The following ZFR2 variants were observed in gnomAD, a reference collection of about 807,000 sequenced individuals.
ZFR2 encodes the protein zinc finger RNA binding protein 2.
ZFR2 carries 104 observed loss-of-function variants against 105.7 expected under a neutral mutation model. The ratio of observed to expected loss-of-function variants is 0.98; its 90% CI spans 0.84 to 1.16. The LOEUF (loss-of-function observed/expected upper bound fraction) is 1.16. ZFR2 is among the 50% of genes most tolerant of loss of function. The probability of loss-of-function intolerance (pLI) is 0.00; values close to 1 mark genes in which losing one functional copy is unlikely to be tolerated. For synonymous variants in ZFR2, 634 were observed against 597.7 expected, an observed-to-expected ratio of 1.06 and a Z score of -0.89; for missense variants, 1,425 against 1,355.5, an observed-to-expected ratio of 1.05 and a Z score of -0.80.
chr19:3,807,401 C>CT, intron 17 of ZFR2, 132 bp from the exon 18 acceptor site: 1 of 652,156 alleles, frequency 1.5e-6, no homozygotes, highest in East Asian at 2.8e-5. Context: ...CGTGGCACCT[C>CT]TGACCCTCAG....
At chr19:3,843,769 A>G (rs1386575113) in intron 1 of ZFR2, among the ~76,000 whole-genome samples, 1 of 151,008 alleles carries the variant, frequency 6.6e-6, no homozygotes, top group Admixed American at 6.6e-5. Context: ...TGGGAGGCGG[A>G]GCTTGCAGTG....
rs371061906 is a variant in ZFR2, at chr19:3,819,148, C to G, written c.1828G>C (p.Val610Leu). ...TCTGCGTGGGACACGGCCCTCTGCACGGCCAGGAGCTCCTGCTCCGTGGGG... is the reference window on the plus strand; with the variant it reads ...TCTGCGTGGGACACGGCCCTCTGCAGGGCCAGGAGCTCCTGCTCCGTGGGG... ...IYPTEQELLA[V>L]QRAVSHAERA... Residue 610 changes from valine to leucine, a missense_variant, in exon 12 of 19, where the codon GTG (valine) becomes CTG (leucine). By Grantham distance (32) the Val-to-Leu change is conservative. Transcript: ENST00000262961. The G allele has an allele frequency of 4.4e-6, 7 of 1,607,434 alleles. No individual in the cohort carries two copies. Among genetic ancestry groups the G allele is most frequent in the South Asian group, 1.1e-5 (1 of 90,820 alleles).
At chr19:3,831,632 C>A (rs1458998357) in intron 4 of ZFR2, 28 bp downstream of exon 4, 1 of 1,522,126 alleles carries the variant, frequency 6.6e-7, no homozygotes, top group African/African-American at 1.4e-5. Context: ...GACGGGCAGA[C>A]CACCTGGGCA....
intron 4 of ZFR2, 21 bp from the exon 5 acceptor site, chr19:3,831,577 T>C: frequency 6.4e-7 from 1 of 1,551,900 alleles, no homozygotes; most frequent in Non-Finnish European, 8.7e-7. Flanking sequence ...GAGAAAACAA[T>C]GAGTCGGGGG....
At chr19:3,807,301 G>A in intron 17 of ZFR2, 32 bp from the exon 18 acceptor site, 2 of 1,495,366 alleles carry the variant, frequency 1.3e-6, no homozygotes, top group Non-Finnish European at 9.1e-7. Context: ...CAGCAAAGAA[G>A]GCGAGAATGC....
At chr19:3,822,710 T>A (rs1385002945) in intron 8 of ZFR2, among the ~76,000 whole-genome samples, 7 of 152,092 alleles carry the variant, frequency 4.6e-5, no homozygotes, top group Admixed American at 4.6e-4. Context: ...AGCAAGACCC[T>A]TTCTCTTAAA....
chr19:3,830,263 G>A (rs2037997177), intron 5 of ZFR2, among the ~76,000 whole-genome samples: 1 of 152,052 alleles, frequency 6.6e-6, no homozygotes, highest in African/African-American at 2.4e-5. Flanking sequence ...GACATAGTGA[G>A]ACCCCATCTC....
In ZFR2 at chr19:3,819,164, C is replaced by A. The variant is rs775562032; in HGVS notation, c.1812G>T (p.Glu604Asp). Residue 604 changes from glutamate to aspartate, a missense_variant, in exon 12 of 19, where the codon GAG becomes GAT. Physicochemically the swap from Glu to Asp is conservative, Grantham distance 45 (BLOSUM62 2). Coordinates refer to ENST00000262961, the MANE Select transcript of ZFR2 (RefSeq NM_015174.2). ...CCCTCTGCACGGCCAGGAGCTCCTG[C>A]TCCGTGGGGTAGATGGTGGCGTGCT... ...MCKHATIYPT[E>D]QELLAVQRAV... 1 of 1,602,638 alleles carries A rather than the reference C, an allele frequency of 6.2e-7. No homozygotes were observed. The highest frequency in any genetic ancestry group is 8.5e-7 in the Non-Finnish European group (1 of 1,177,662).
chr19:3,809,938 C>T (rs575070311), intron 16 of ZFR2, among the ~76,000 whole-genome samples: 165 of 152,168 alleles, frequency 1.1e-3, no homozygotes, highest in Non-Finnish European at 2.0e-3. Flanking sequence ...GAGCGAGACT[C>T]CATCTCAAAA....
intron 1 of ZFR2, among the ~76,000 whole-genome samples, chr19:3,841,520 A>T (rs980365413): frequency 3.3e-5 from 5 of 152,090 alleles, no homozygotes; most frequent in African/African-American, 1.2e-4. Context: ...CCCTGTCCCT[A>T]CAAAAAATAA....
intron 1 of ZFR2, chr19:3,851,823 T>C (rs1411180438): frequency 6.5e-6 from 1 of 153,190 alleles, no homozygotes; most frequent in African/African-American, 2.4e-5. Context: ...TCCAAAAAAA[T>C]AAAGTTTTAT....
intron 1 of ZFR2, among the ~76,000 whole-genome samples, chr19:3,862,213 T>C (rs2038381641): frequency 6.6e-6 from 1 of 152,206 alleles, no homozygotes. Flanking sequence ...AATAAAACTA[T>C]TAAAAATCCA....
rs564524238 is a variant in ZFR2 at position 3,850,879 on chromosome 19, T to C, written c.54-15896A>G. Among the ~76,000 whole-genome samples, 5 of 126,544 alleles carry C rather than the reference T, an allele frequency of 4.0e-5. 2 individuals are homozygous for C. Among genetic ancestry groups the C allele is most frequent in the African/African-American group, 1.6e-4 (5 of 31,134 alleles). 83.0% of individuals were successfully genotyped at this position (126,544 alleles called of 152,430 possible). On this transcript the variant is annotated intron_variant, in intron 1 of 18. Transcript: ENST00000262961. Reference sequence around the variant, plus strand: ...GTGATCTCACCACTGCACTGCAACCTGGATGACAGGGCAGTCTTTTCAAAA... The same window carrying C: ...GTGATCTCACCACTGCACTGCAACCCGGATGACAGGGCAGTCTTTTCAAAA...
At chr19:3,808,027 ACTCATGTCCT>A (rs2037719615) in intron 17 of ZFR2, among the ~76,000 whole-genome samples, 1 of 117,304 alleles carries the variant, frequency 8.5e-6, no homozygotes, top group Non-Finnish European at 1.8e-5. Context: ...CTGTATGTGC[ACTCATGTCCT>A]TGTGTGCCCG....
At chr19:3,859,059 G>C (rs1201220240) in intron 1 of ZFR2, among the ~76,000 whole-genome samples, 1 of 152,128 alleles carries the variant, frequency 6.6e-6, no homozygotes, top group East Asian at 1.9e-4. Context: ...AGTGACATTT[G>C]AGCCGGTGGA....
At chr19:3,810,870 G>A in intron 15 of ZFR2, 25 bp from the exon 16 acceptor site, 1 of 1,548,880 alleles carries the variant, frequency 6.5e-7, no homozygotes. Context: ...CACACGGTTA[G>A]CTTTCAGGGG....
At chr19:3,811,675 G>A (rs1258242490) in intron 14 of ZFR2, among the ~76,000 whole-genome samples, 1 of 152,040 alleles carries the variant, frequency 6.6e-6, no homozygotes, top group Non-Finnish European at 1.5e-5. Flanking sequence ...GGCTGGTCTT[G>A]AACTCTTGAC....
At chr19:3,824,055 G>A (rs1487550919) in intron 7 of ZFR2, among the ~76,000 whole-genome samples, 4 of 152,130 alleles carry the variant, frequency 2.6e-5, no homozygotes, top group African/African-American at 9.7e-5. Context: ...CCAGTGCTGC[G>A]GGAGGCCGAG....
chr19:3,865,543 G>A (rs1195421006), intron 1 of ZFR2, among the ~76,000 whole-genome samples: 2 of 151,784 alleles, frequency 1.3e-5, no homozygotes, highest in African/African-American at 4.8e-5. Context: ...TAGAGATGGG[G>A]GGAAAGGTCT....
Sources: gnomAD v4.1 joint callset for allele counts (sites outside exome capture counted in the v4.1 genomes callset) on GRCh38, gnomAD v4.1.1 for gene constraint, MANE v1.5 for transcripts, NCBI Gene and HGNC (gene_info 2026-07-23, HGNC 2026-07-21) for gene names.